Variants in BLOC1S3 observed in about 807,000 individuals in gnomAD.
BLOC1S3 encodes the protein biogenesis of lysosome-related organelles complex 1 subunit 3.
In BLOC1S3, 7 loss-of-function variants were observed where a neutral mutation model predicts 9.1. The ratio of observed to expected loss-of-function variants is 0.77; its 90% CI spans 0.44 to 1.45. The LOEUF (loss-of-function observed/expected upper bound fraction) is 1.45. Ranked by LOEUF, BLOC1S3 falls within the 40% of genes most tolerant of loss-of-function variation. BLOC1S3 has a pLI of 0.01. For synonymous variants in BLOC1S3, 145 were observed against 158.4 expected, an observed-to-expected ratio of 0.92 and a Z score of 0.64; for missense variants, 307 against 315.2, an observed-to-expected ratio of 0.97 and a Z score of 0.20.
chr19:45,208,373 G>A (rs753786155), intron 3 of BLOC1S3, among the ~76,000 whole-genome samples: 4 of 152,110 alleles, frequency 2.6e-5, no homozygotes, highest in Non-Finnish European at 4.4e-5. Context: ...TTGGGAGGCC[G>A]AGGTGGGTGG....
At chr19:45,216,213 G>A (rs1198218695) in intron 3 of BLOC1S3, 10 of 1,612,452 alleles carry the variant, frequency 6.2e-6, no homozygotes, top group Non-Finnish European at 8.5e-6. Flanking sequence ...GAGGGAGGGT[G>A]CGGGGTCACA....
At chr19:45,189,964 C>T (rs1432625581) in intron 2 of BLOC1S3, among the ~76,000 whole-genome samples, 1 of 151,886 alleles carries the variant, frequency 6.6e-6, no homozygotes, top group Non-Finnish European at 1.5e-5. Flanking sequence ...CTTTTGTCTC[C>T]TCTGTGTATT....
chr19:45,191,416 C>T (rs919399283), intron 2 of BLOC1S3, among the ~76,000 whole-genome samples: 18 of 152,142 alleles, frequency 1.2e-4, no homozygotes, highest in Admixed American at 3.3e-4. Context: ...CCACTGTGCC[C>T]GGCCGGCTTT....
intron 3 of BLOC1S3, among the ~76,000 whole-genome samples, chr19:45,206,353 C>CAAA (rs529931068): frequency 1.2e-5 from 1 of 83,894 alleles, no homozygotes; most frequent in East Asian, 3.4e-4. Context: ...GTGAAACTCT[C>CAAA]AAAAAAAAAA....
Position 45,179,282 on chromosome 19 carries a change from C to A in BLOC1S3, c.-9-6C>A. 1 of 1,572,984 alleles carries A rather than the reference C, an allele frequency of 6.4e-7. No homozygotes were observed. Among genetic ancestry groups the A allele is most frequent in the Non-Finnish European group, 8.6e-7 (1 of 1,168,656 alleles). On this transcript the variant is annotated splice_polypyrimidine_tract_variant and splice_region_variant and intron_variant, in intron 1 of 1. Transcript: ENST00000433642. The surrounding 1 kb of genome is among the most constrained non-coding windows in gnomAD (Gnocchi z 4.6). ...CACGTGCAGTCCCTTCGCTCTTCTC[C>A]CCTAGTTCGGTGCCATGGCGTCCCA...
chr19:45,209,589 T>A (rs1173060179), intron 3 of BLOC1S3, among the ~76,000 whole-genome samples: 3 of 151,826 alleles, frequency 2.0e-5, no homozygotes, highest in Admixed American at 1.3e-4. Flanking sequence ...GCCCAGCTAA[T>A]TTTTTGTATT....
chr19:45,185,972 G>C (rs1231657307), downstream of BLOC1S3, among the ~76,000 whole-genome samples: 1 of 152,082 alleles, frequency 6.6e-6, no homozygotes, highest in East Asian at 1.9e-4. Context: ...ATCATTCTGG[G>C]CGTGGTGGTG....
In BLOC1S3 at chr19:45,179,808, C is replaced by T. The variant is rs778521433; in HGVS notation, c.512C>T (p.Ala171Val). ...RLARGDLCAL[A>V]ERLDIVAGCR... ...GCGCGCGGGGACCTTTGTGCGCTGGCCGAGCGTCTGGACATCGTGGCTGGC... is the reference window on the plus strand; with the variant it reads ...GCGCGCGGGGACCTTTGTGCGCTGGTCGAGCGTCTGGACATCGTGGCTGGC... The change falls in exon 2 of 2, where the codon GCC becomes GTC. Residue 171 changes from alanine (A) to valine (V), a missense_variant. Ala to Val is a moderately conservative substitution (Grantham distance 64). Transcript: ENST00000433642. The surrounding 1 kb of genome is among the most constrained non-coding windows in gnomAD (Gnocchi z 4.6). 10 of 1,604,240 alleles carry T rather than the reference C, an allele frequency of 6.2e-6. No homozygotes were observed. The highest frequency in any genetic ancestry group is 1.7e-4 in the Middle Eastern group (1 of 6,026).
chr19:45,208,424 T>C (rs1568476819), intron 3 of BLOC1S3, among the ~76,000 whole-genome samples: 1 of 151,728 alleles, frequency 6.6e-6, no homozygotes, highest in African/African-American at 2.4e-5. Flanking sequence ...CTAGCCAACA[T>C]GGCAAAACGC....
At chr19:45,188,757 A>G (rs1204413561) in intron 2 of BLOC1S3, among the ~76,000 whole-genome samples, 1 of 151,632 alleles carries the variant, frequency 6.6e-6, no homozygotes, top group East Asian at 1.9e-4. Context: ...TATTTAGTAG[A>G]GACGGGGTTT....
rs911061158 is a variant in BLOC1S3 at position 45,181,202 on chromosome 19, GTC to G, written c.*1300_*1301del. Reference sequence around the variant, plus strand: ...GGGATAGGTTTTGCTTTCTTTTACTGTCTCCATCCTACTTACACCTCCCTGAT... The same window carrying G: ...GGGATAGGTTTTGCTTTCTTTTACTGTCCATCCTACTTACACCTCCCTGAT... On this transcript the variant is annotated 3_prime_UTR_variant, in exon 2 of 2. Transcript: ENST00000433642. 6 of 167,306 alleles carry G rather than the reference GTC, an allele frequency of 3.6e-5. No individual in the cohort carries two copies. Among genetic ancestry groups the G allele is most frequent in the African/African-American group, 1.4e-4 (6 of 41,444 alleles). 10.4% of individuals were successfully genotyped at this position (167,306 alleles called of 1,614,324 possible).
intron 2 of BLOC1S3, among the ~76,000 whole-genome samples, chr19:45,201,532 C>T (rs1969690942): frequency 6.6e-6 from 1 of 152,196 alleles, no homozygotes; most frequent in Non-Finnish European, 1.5e-5. Flanking sequence ...GTGGTGAAGC[C>T]TGCCGGGCTT....
chr19:45,201,605 T>C (rs1430694336), intron 2 of BLOC1S3, among the ~76,000 whole-genome samples: 4 of 152,140 alleles, frequency 2.6e-5, no homozygotes, highest in Non-Finnish European at 1.5e-5. Flanking sequence ...AAATGCCATC[T>C]GGGAGCCAGG....
At chr19:45,191,271 C>T (rs1201167437) in intron 2 of BLOC1S3, among the ~76,000 whole-genome samples, 2 of 151,886 alleles carry the variant, frequency 1.3e-5, no homozygotes, top group Non-Finnish European at 2.9e-5. Flanking sequence ...TACAGGCATG[C>T]ACCACCACGC....
In BLOC1S3 at chr19:45,181,697, T is replaced by C. The variant is rs1969524012; in HGVS notation, c.*1792T>C. 1 of 167,162 alleles carries C rather than the reference T, an allele frequency of 6.0e-6. No homozygotes were observed. Among genetic ancestry groups the C allele is most frequent in the Non-Finnish European group, 1.5e-5 (1 of 68,164 alleles). 10.4% of individuals were successfully genotyped at this position (167,162 alleles called of 1,614,324 possible). The stretch of plus-strand genomic sequence containing the variant: ...TATTTACTCTCCTCTCCCAGCCTGA[T>C]ATCCCTGTCCCTCATCTCAACCCGA... On this transcript the variant is annotated 3_prime_UTR_variant, in exon 2 of 2. Transcript: ENST00000433642.
At chr19:45,195,791 C>T (rs1266689836) in intron 2 of BLOC1S3, among the ~76,000 whole-genome samples, 1 of 151,488 alleles carries the variant, frequency 6.6e-6, no homozygotes, top group Non-Finnish European at 1.5e-5. Flanking sequence ...GACAAGGTTT[C>T]ACCATGTTGG....
In BLOC1S3 at chr19:45,179,863, G is replaced by A. The variant is rs762987928; in HGVS notation, c.567G>A (p.Val189=). 8.1e-6 allele frequency: 13 copies of A among 1,609,336 alleles called. No homozygotes were observed. In the Admixed American group the frequency reaches 1.8e-4, roughly 23 times the overall value. Residue 189 remains valine, a synonymous_variant, in exon 2 of 2, where the codon GTG becomes GTA. Transcript: ENST00000433642. This position sits in a 1 kb window ranked among gnomAD's most constrained non-coding sequence, Gnocchi z 4.6. ...GCCTGCTGCCGGACATCCGCGGCGT[G>A]CCAGGGACCGAGCCTGAGAAAGACC... ...GCRLLPDIRG[V]PGTEPEKDPG...
intron 3 of BLOC1S3, among the ~76,000 whole-genome samples, chr19:45,203,377 G>A (rs1442552355): frequency 2.6e-5 from 4 of 152,094 alleles, no homozygotes; most frequent in Non-Finnish European, 5.9e-5. Flanking sequence ...GGGTTCAAGC[G>A]ATTCTCCTGC....
chr19:45,196,995 C>T (rs1270038399), intron 2 of BLOC1S3, among the ~76,000 whole-genome samples: 1 of 151,754 alleles, frequency 6.6e-6, no homozygotes, highest in Non-Finnish European at 1.5e-5. Context: ...TGGCTTCTTG[C>T]AGGGGGTATG....
Sources: gnomAD v4.1 joint callset for allele counts (sites outside exome capture counted in the v4.1 genomes callset) on GRCh38, gnomAD v4.1.1 for gene constraint, Gnocchi (gnomAD v3.1) non-coding constraint, MANE v1.5 for transcripts, NCBI Gene and HGNC (gene_info 2026-07-23, HGNC 2026-07-21) for gene names.